The following MCTP1 variants were observed in gnomAD, a reference collection of about 807,000 sequenced individuals.
MCTP1 encodes the protein multiple C2 and transmembrane domain containing 1.
Under a neutral mutation model 120.6 loss-of-function variants are expected in MCTP1, and 69 were observed. That is an observed-to-expected ratio of 0.57 (90% CI 0.47 to 0.70). The LOEUF (loss-of-function observed/expected upper bound fraction) is 0.70, where lower values mean the gene tolerates loss of function less well. MCTP1 is among the 30% of genes least tolerant of loss of function. The pLI, the probability that MCTP1 is intolerant of heterozygous loss-of-function variation, is 0.00. For missense variants in MCTP1, 1,203 were observed against 1,248.8 expected (o/e 0.96, Z 0.55); for synonymous variants, 529 against 493.1 (o/e 1.07, Z -0.96).
chr5:95,223,075 G>T (rs569896519), intron 1 of MCTP1, among the ~76,000 whole-genome samples: 1 of 152,300 alleles, frequency 6.6e-6, no homozygotes, highest in South Asian at 2.1e-4. Flanking sequence ...TTATGGAGGA[G>T]AATCCACTTA....
chr5:95,232,827 CAA>C (rs1175745996), intron 1 of MCTP1, among the ~76,000 whole-genome samples: 1 of 152,052 alleles, frequency 6.6e-6, no homozygotes, highest in African/African-American at 2.4e-5. Flanking sequence ...TAATATTAGA[CAA>C]AGTAGACTGC....
At chr5:95,177,164 T>C (rs974878065) in intron 1 of MCTP1, among the ~76,000 whole-genome samples, 1 of 151,460 alleles carries the variant, frequency 6.6e-6, no homozygotes, top group African/African-American at 2.4e-5. Flanking sequence ...TCTATATTTA[T>C]ATATTTATAT....
chr5:94,818,274 T>A (rs1033368338), intron 17 of MCTP1, among the ~76,000 whole-genome samples: 2 of 152,166 alleles, frequency 1.3e-5, no homozygotes, highest in African/African-American at 4.8e-5. Flanking sequence ...CAGATACACA[T>A]ACAAAAGTAA....
Position 94,706,268 on chromosome 5 carries a change from G to GTT in MCTP1, c.*1226_*1227dup, listed in dbSNP as rs1754559322. The GTT allele has an allele frequency of 6.6e-6, 1 of 151,602 alleles. No individual in the cohort carries two copies. The highest frequency in any genetic ancestry group is 2.1e-4 in the South Asian group (1 of 4,816). 9.4% of individuals were successfully genotyped at this position (151,602 alleles called of 1,614,324 possible). ...CCAACCAAATTATTTTTTCTCCAGA[G>GTT]TTATGCTCCCTTAGTATACCAGGGA... is the stretch of plus-strand genomic sequence containing the variant. On this transcript the variant is annotated 3_prime_UTR_variant, in exon 23 of 23. Coordinates refer to ENST00000515393, the MANE Select transcript of MCTP1 (RefSeq NM_024717.7).
chr5:94,819,928 T>A (rs183041228), intron 17 of MCTP1, among the ~76,000 whole-genome samples: 85 of 152,348 alleles, frequency 5.6e-4, no homozygotes, highest in African/African-American at 1.8e-3. Flanking sequence ...TGATTAATGA[T>A]CCTATAGAAC....
chr5:95,096,178 A>C (rs1756252467), intron 1 of MCTP1, among the ~76,000 whole-genome samples: 1 of 152,246 alleles, frequency 6.6e-6, no homozygotes. Flanking sequence ...AGTACTCAAT[A>C]TATCCACTGT....
chr5:94,920,781 A>ATAAATAAG (rs1811452747), intron 7 of MCTP1, among the ~76,000 whole-genome samples: 1 of 150,972 alleles, frequency 6.6e-6, no homozygotes, highest in Non-Finnish European at 1.5e-5. Context: ...AAATAAATAA[A>ATAAATAAG]TAAATAATAA....
intron 19 of MCTP1, among the ~76,000 whole-genome samples, chr5:94,717,582 G>GT (rs948382367): frequency 1.3e-5 from 2 of 152,112 alleles, no homozygotes; most frequent in African/African-American, 4.8e-5. Flanking sequence ...AAGTCAAACT[G>GT]TTTCTGTTTG....
chr5:94,955,032 C>T (rs960309592), intron 2 of MCTP1, among the ~76,000 whole-genome samples: 23 of 152,104 alleles, frequency 1.5e-4, no homozygotes, highest in African/African-American at 4.8e-4. Flanking sequence ...ATGCAGAAGG[C>T]GGGTGATTTC....
intron 1 of MCTP1, among the ~76,000 whole-genome samples, chr5:95,236,539 C>G (rs1755563445): frequency 6.6e-6 from 1 of 152,138 alleles, no homozygotes; most frequent in Admixed American, 6.6e-5. Flanking sequence ...TGCTTATCCC[C>G]AGGAGGTCAA....
At chr5:95,227,066 C>T (rs1449491348) in intron 1 of MCTP1, among the ~76,000 whole-genome samples, 1 of 152,020 alleles carries the variant, frequency 6.6e-6, no homozygotes, top group African/African-American at 2.4e-5. Flanking sequence ...GACTCAGGCC[C>T]ATTAAGCCTT....
intron 2 of MCTP1, among the ~76,000 whole-genome samples, chr5:94,961,091 C>T (rs1824027130): frequency 6.6e-6 from 1 of 152,046 alleles, no homozygotes; most frequent in Non-Finnish European, 1.5e-5. Context: ...ACTATGCAGT[C>T]ATAAAAAAGA....
intron 1 of MCTP1, among the ~76,000 whole-genome samples, chr5:95,172,505 T>G (rs1481967655): frequency 6.6e-6 from 1 of 152,188 alleles, no homozygotes; most frequent in African/African-American, 2.4e-5. Context: ...AAAATTCCAC[T>G]GTGCTTAACC....
rs189023193 is a variant in MCTP1 at position 94,949,810 on chromosome 5, A to T, written c.981+3409T>A. On this transcript the variant is annotated intron_variant, in intron 3 of 22. Transcript: ENST00000515393. ...GTCACTACAGAATTGATTAGTCCCT[A>T]AGAAATCTTTTGGGCAAGATTAATA... Among the ~76,000 whole-genome samples the T allele has an allele frequency of 5.3e-5, 8 of 152,280 alleles. No individual in the cohort carries two copies. In the East Asian group the frequency reaches 1.5e-3, roughly 29 times the overall value.
rs1247222512 is a variant in MCTP1, at chr5:95,284,595, C to G, written c.-20G>C. The G allele has an allele frequency of 1.4e-6, 2 of 1,402,016 alleles. No homozygotes were observed. The highest frequency in any genetic ancestry group is 3.1e-5 in the African/African-American group (2 of 64,732). 86.8% of individuals were successfully genotyped at this position (1,402,016 alleles called of 1,614,324 possible). Reference sequence around the variant, plus strand: ...CTCCATCCTCCACCCCCTGCTCCTCCTCTCCCCTCCTCCTCCTCCTCCTCC... The same window carrying G: ...CTCCATCCTCCACCCCCTGCTCCTCGTCTCCCCTCCTCCTCCTCCTCCTCC... On this transcript the variant is annotated 5_prime_UTR_variant, in exon 1 of 23. Transcript: ENST00000515393. This position sits in a 1 kb window ranked among gnomAD's most constrained non-coding sequence, Gnocchi z 5.2.
chr5:94,766,051 C>T (rs1772619376), intron 19 of MCTP1, among the ~76,000 whole-genome samples: 1 of 152,062 alleles, frequency 6.6e-6, no homozygotes, highest in Non-Finnish European at 1.5e-5. Flanking sequence ...TCAAGACCAG[C>T]CCAGCCAACA....
At chr5:94,977,905 C>T (rs1828480318) in intron 2 of MCTP1, among the ~76,000 whole-genome samples, 1 of 151,900 alleles carries the variant, frequency 6.6e-6, no homozygotes, top group African/African-American at 2.4e-5. Flanking sequence ...GAGTATGACA[C>T]CAAAAGCACA....
chr5:94,707,197 A>G lies in MCTP1; in HGVS notation c.*299T>C. On this transcript the variant is annotated 3_prime_UTR_variant, in exon 23 of 23. Transcript: ENST00000515393. ...GAGTATTTAATCCACTAGTAATTAG[A>G]TAAGAATATATCTTCCAGTGTTATC... 1 of 244,252 alleles carries G rather than the reference A, an allele frequency of 4.1e-6. No individual in the cohort carries two copies. The highest frequency in any genetic ancestry group is 7.8e-6 in the Non-Finnish European group (1 of 128,302). 15.1% of individuals were successfully genotyped at this position (244,252 alleles called of 1,614,324 possible). A position where few individuals can be genotyped will look rare whatever the true frequency, so the allele number is the denominator to read the frequency against.
In MCTP1 at chr5:95,276,251, A is replaced by ATTTTT. The variant is rs34667866; in HGVS notation, c.720+7600_720+7604dup. Among the ~76,000 whole-genome samples, 73 of 84,774 alleles carry ATTTTT rather than the reference A, an allele frequency of 8.6e-4. 5 individuals carry two copies. The highest frequency in any genetic ancestry group is 1.3e-3 in the Non-Finnish European group (61 of 47,596). The allele number at this position is 84,774 out of a possible 152,430, so 55.6% of individuals were successfully genotyped here. A position where few individuals can be genotyped will look rare whatever the true frequency, so the allele number is the denominator to read the frequency against. On this transcript the variant is annotated intron_variant, in intron 1 of 22. Transcript: ENST00000515393. ...GACAGGATTCTTGGTCAATATTGGG[A>ATTTTT]TTTTTTTTTTTTTTTTTTTTTTTTT...
Sources: allele counts gnomAD v4.1 joint callset (sites outside exome capture counted in the v4.1 genomes callset), GRCh38; gene constraint gnomAD v4.1.1; non-coding constraint Gnocchi (gnomAD v3.1); transcripts MANE v1.5; gene names NCBI Gene and HGNC (gene_info 2026-07-23, HGNC 2026-07-21).